PPP1R2: variants seen among roughly 807,000 people sequenced by gnomAD.
The protein encoded by PPP1R2 is protein phosphatase 1 regulatory inhibitor subunit 2.
In PPP1R2, 16 loss-of-function variants were observed where a neutral mutation model predicts 29.9. That is an observed-to-expected ratio of 0.53 (90% CI 0.36 to 0.81). PPP1R2 has a LOEUF of 0.81. Ranked by LOEUF, PPP1R2 falls within the 30% of genes least tolerant of loss-of-function variation. The pLI, the probability that PPP1R2 is intolerant of heterozygous loss-of-function variation, is 0.00. For missense variants in PPP1R2, 197 were observed against 252.7 expected (o/e 0.78, Z 1.49); for synonymous variants, 76 against 91.5 (o/e 0.83, Z 0.96).
chr3:195,529,976 C>A, intron 1 of PPP1R2, 75 bp from the exon 2 acceptor site: 5 of 1,022,534 alleles, frequency 4.9e-6, no homozygotes, highest in South Asian at 3.0e-5. Flanking sequence ...CACAAATGTC[C>A]AAATTTAACA....
chr3:195,531,711 G>C (rs1719184698), intron 1 of PPP1R2, among the ~76,000 whole-genome samples: 2 of 151,828 alleles, frequency 1.3e-5, no homozygotes, highest in African/African-American at 4.8e-5. Flanking sequence ...TTTAGTGCAC[G>C]TGCTCCTGAA....
In PPP1R2 at chr3:195,514,778, C is replaced by CAA. The variant is rs1718482935; in HGVS notation, c.*2116_*2117dup. 1 of 155,234 alleles carries CAA rather than the reference C, an allele frequency of 6.4e-6. No homozygotes were observed. Among genetic ancestry groups the CAA allele is most frequent in the South Asian group, 2.0e-4 (1 of 5,108 alleles). 9.6% of individuals were successfully genotyped at this position (155,234 alleles called of 1,614,324 possible). ...ATATTTTGACTAGTTCATACCCTAT[C>CAA]AATTACCTACTTATGACTTGAACAT... On this transcript the variant is annotated 3_prime_UTR_variant, in exon 6 of 6. Coordinates refer to ENST00000618156, the MANE Select transcript of PPP1R2 (RefSeq NM_006241.8).
At chr3:195,526,442 G>C (rs1718973622) in intron 2 of PPP1R2, among the ~76,000 whole-genome samples, 1 of 152,016 alleles carries the variant, frequency 6.6e-6, no homozygotes, top group Non-Finnish European at 1.5e-5. Context: ...GGAAAGAAAT[G>C]ATAAAACTGA....
At position 195,543,259 on chromosome 3, in the gene PPP1R2, T is replaced by C. The variant is rs1577590398; in HGVS notation, c.-234A>G. On this transcript the variant is annotated 5_prime_UTR_variant, in exon 1 of 6. Transcript: ENST00000618156. Reference sequence around the variant, plus strand: ...CTCGCGCACCCTTAGCCACTGGCACTTGACCCGCGGCTCGCGGAGAGACGC... The same window carrying C: ...CTCGCGCACCCTTAGCCACTGGCACCTGACCCGCGGCTCGCGGAGAGACGC... 4.6e-6 allele frequency: 2 copies of C among 432,322 alleles called. No individual in the cohort carries two copies. The highest frequency in any genetic ancestry group is 7.9e-6 in the Non-Finnish European group (2 of 253,112). 26.8% of individuals were successfully genotyped at this position (432,322 alleles called of 1,614,324 possible). A position where few individuals can be genotyped will look rare whatever the true frequency, so the allele number is the denominator to read the frequency against.
intron 4 of PPP1R2, among the ~76,000 whole-genome samples, chr3:195,522,787 C>T (rs943932929): frequency 5.9e-5 from 9 of 152,166 alleles, no homozygotes; most frequent in African/African-American, 2.2e-4. Flanking sequence ...TTAGCAGCTA[C>T]ACGACAAAGA....
chr3:195,521,314 CAA>C (rs869228346), intron 4 of PPP1R2, among the ~76,000 whole-genome samples: 11 of 56,662 alleles, frequency 1.9e-4, no homozygotes, highest in African/African-American at 6.2e-4. Flanking sequence ...GACTCTGTCT[CAA>C]AAAAAAAAAA....
chr3:195,521,130 A>C (rs1392517985), intron 4 of PPP1R2, among the ~76,000 whole-genome samples: 1 of 148,330 alleles, frequency 6.7e-6, no homozygotes, highest in Admixed American at 6.7e-5. Flanking sequence ...CCTGGCTAAC[A>C]TGGTGAAACC....
At chr3:195,523,861 T>G in intron 3 of PPP1R2, 75 bp from the exon 4 acceptor site, 1 of 1,216,090 alleles carries the variant, frequency 8.2e-7, no homozygotes. Context: ...CAACTGTTGA[T>G]TCTTACAAAA....
At position 195,514,523 on chromosome 3, in the gene PPP1R2, G is replaced by A. The variant is rs1344127513; in HGVS notation, c.*2373C>T. The A allele has an allele frequency of 3.3e-5, 5 of 152,158 alleles. No homozygotes were observed. The highest frequency in any genetic ancestry group is 7.3e-5 in the Non-Finnish European group (5 of 68,044). 9.4% of individuals were successfully genotyped at this position (152,158 alleles called of 1,614,324 possible). ...AAAGTCATGGGGAAAATGGCATCTT[G>A]CTTTAATCTTCAACTGAAAGTTACC... On this transcript the variant is annotated 3_prime_UTR_variant, in exon 6 of 6. Coordinates refer to ENST00000618156, the MANE Select transcript of PPP1R2 (RefSeq NM_006241.8).
intron 1 of PPP1R2, 128 bp from the exon 2 acceptor site, chr3:195,530,029 C>T: frequency 3.0e-6 from 2 of 661,910 alleles, no homozygotes; most frequent in Non-Finnish European, 5.2e-6. Context: ...TTCACATATA[C>T]TTTCTTGGAA....
intron 1 of PPP1R2, among the ~76,000 whole-genome samples, chr3:195,537,510 T>TGTGTGTGTGTGTGTGTGTGTGTGC: frequency 6.7e-6 from 1 of 149,898 alleles, no homozygotes; most frequent in Non-Finnish European, 1.5e-5. Context: ...TGTGTGTGTG[T>TGTGTGTGTGTGTGTGTGTGTGTGC]GTGTGTGTGT....
At chr3:195,534,437 T>C (rs971545862) in intron 1 of PPP1R2, among the ~76,000 whole-genome samples, 5 of 152,072 alleles carry the variant, frequency 3.3e-5, no homozygotes, top group African/African-American at 9.7e-5. Flanking sequence ...GGACATTTAT[T>C]TATAAGAAAA....
intron 1 of PPP1R2, 58 bp downstream of exon 1, chr3:195,542,846 G>A: frequency 6.5e-7 from 1 of 1,542,688 alleles, no homozygotes. Context: ...TGGGGTCTGG[G>A]TAGGTAACGG....
At chr3:195,528,731 T>C (rs1719072979) in intron 2 of PPP1R2, 1 of 143,210 alleles carries the variant, frequency 7.0e-6, no homozygotes, top group Non-Finnish European at 1.5e-5. Context: ...TTTTTTTTTT[T>C]TGTAGAAAGA....
intron 4 of PPP1R2, among the ~76,000 whole-genome samples, chr3:195,522,019 C>T (rs1718781118): frequency 6.6e-6 from 1 of 152,074 alleles, no homozygotes; most frequent in Non-Finnish European, 1.5e-5. Flanking sequence ...ATGAATACAA[C>T]AAGTGAATTA....
intron 1 of PPP1R2, among the ~76,000 whole-genome samples, chr3:195,538,000 A>G (rs1036613054): frequency 1.3e-5 from 2 of 152,234 alleles, no homozygotes; most frequent in African/African-American, 4.8e-5. Flanking sequence ...TGGAATAGCA[A>G]AACCCAAGGA....
Position 195,533,600 on chromosome 3 carries a change from T to C in PPP1R2, c.123-3699A>G, listed in dbSNP as rs577968460. 3.3e-5 allele frequency among the ~76,000 whole-genome samples: 5 copies of C among 152,296 alleles called. No homozygotes were observed. In the South Asian group the frequency reaches 6.2e-4, roughly 19 times the overall value. On this transcript the variant is annotated intron_variant, in intron 1 of 5. Coordinates refer to ENST00000618156, the MANE Select transcript of PPP1R2 (RefSeq NM_006241.8). ...AAAGTAGAACGCTTGATGAGTACCTTAGATGGAGCTCTGCAACTGCGGCTG... is the reference window on the plus strand; with the variant it reads ...AAAGTAGAACGCTTGATGAGTACCTCAGATGGAGCTCTGCAACTGCGGCTG...
intron 2 of PPP1R2, chr3:195,528,822 G>C (rs1309305758): frequency 7.2e-6 from 1 of 139,566 alleles, no homozygotes; most frequent in East Asian, 2.3e-4. Flanking sequence ...ATCTCAAAGT[G>C]CTGGGAGTAC....
chr3:195,537,320 C>G (rs2108953984), intron 1 of PPP1R2, among the ~76,000 whole-genome samples: 1 of 151,978 alleles, frequency 6.6e-6, no homozygotes, highest in Middle Eastern at 3.4e-3. Flanking sequence ...ATATGCTATT[C>G]AATGCTGTTT....
Sources: gnomAD v4.1 joint callset for allele counts (sites outside exome capture counted in the v4.1 genomes callset) on GRCh38, gnomAD v4.1.1 for gene constraint, MANE v1.5 for transcripts, NCBI Gene and HGNC (gene_info 2026-07-23, HGNC 2026-07-21) for gene names.